Variants in ADK observed in about 807,000 individuals in gnomAD.
ADK encodes the protein N6,N6-dimethyladenosine kinase.
Under a neutral mutation model 44.7 loss-of-function variants are expected in ADK, and 24 were observed. The ratio of observed to expected loss-of-function variants is 0.54; its 90% confidence interval spans 0.39 to 0.76. The LOEUF (loss-of-function observed/expected upper bound fraction) is 0.76, where lower values mean the gene tolerates loss of function less well. Ranked by LOEUF, ADK falls within the 30% of genes least tolerant of loss-of-function variation. ADK has a pLI of 0.00. For missense variants in ADK, 321 were observed against 425.1 expected, an observed-to-expected ratio of 0.76 and a Z score of 2.15; for synonymous variants, 128 against 142.6, an observed-to-expected ratio of 0.90 and a Z score of 0.73.
At chr10:74,208,721 T>A (rs1018848011) in intron 2 of ADK, among the ~76,000 whole-genome samples, 4 of 151,158 alleles carry the variant, frequency 2.6e-5, no homozygotes, top group Non-Finnish European at 4.4e-5. Flanking sequence ...ATATATATAT[T>A]TTTTATTTTT....
At chr10:74,450,751 C>A (rs960588556) in intron 6 of ADK, among the ~76,000 whole-genome samples, 1 of 152,118 alleles carries the variant, frequency 6.6e-6, no homozygotes, top group Admixed American at 6.6e-5. Context: ...TAGAGCAAGG[C>A]ATATTAATAG....
chr10:74,686,712 C>T (rs1855802081), intron 10 of ADK, among the ~76,000 whole-genome samples: 1 of 152,052 alleles, frequency 6.6e-6, no homozygotes, highest in South Asian at 2.1e-4. Context: ...GAGTCTTGCT[C>T]TGTCACCAGG....
At chr10:74,345,646 A>AT in intron 4 of ADK, among the ~76,000 whole-genome samples, 1 of 152,292 alleles carries the variant, frequency 6.6e-6, no homozygotes, top group Middle Eastern at 3.4e-3. Flanking sequence ...TCAATCTGTT[A>AT]GTAACTTTCT....
chr10:74,288,436 G>T (rs560015363), intron 3 of ADK, among the ~76,000 whole-genome samples: 2 of 152,262 alleles, frequency 1.3e-5, no homozygotes, highest in East Asian at 3.9e-4. Context: ...GATCAGCTGA[G>T]ATCAGGAGTT....
In ADK at chr10:74,354,185, G is replaced by A. The variant is rs138633893; in HGVS notation, c.273+39440G>A. ...AAGAATAGGAGAAGGTGAACTCATTGTCTTGAGCATGTGGAATTAGTTCTT... is the reference window on the plus strand; with the variant it reads ...AAGAATAGGAGAAGGTGAACTCATTATCTTGAGCATGTGGAATTAGTTCTT... On this transcript the variant is annotated intron_variant, in intron 4 of 10. Coordinates refer to ENST00000539909, the MANE Select transcript of ADK (RefSeq NM_006721.4). Among the ~76,000 whole-genome samples, 822 of 152,302 alleles carry A rather than the reference G, an allele frequency of 5.4e-3. 8 individuals carry two copies. The highest frequency in any genetic ancestry group is 0.018 in the African/African-American group (762 of 41,554).
intron 4 of ADK, among the ~76,000 whole-genome samples, chr10:74,392,663 T>C (rs1361584574): frequency 6.6e-6 from 1 of 152,180 alleles, no homozygotes; most frequent in Non-Finnish European, 1.5e-5. Flanking sequence ...TATCTATTTT[T>C]GCTTTTGTTG....
chr10:74,566,966 A>C (rs1436136641), intron 7 of ADK, among the ~76,000 whole-genome samples: 1 of 152,070 alleles, frequency 6.6e-6, no homozygotes. Flanking sequence ...CCTCCTAAAA[A>C]CTCATTTTTA....
chr10:74,651,684 T>A (rs990852883), intron 9 of ADK, among the ~76,000 whole-genome samples: 2 of 152,196 alleles, frequency 1.3e-5, no homozygotes, highest in Non-Finnish European at 2.9e-5. Context: ...AATTGTGTCA[T>A]GGTTTAAATA....
intron 7 of ADK, among the ~76,000 whole-genome samples, chr10:74,561,269 C>T (rs1048138741): frequency 6.6e-6 from 1 of 152,164 alleles, no homozygotes; most frequent in Non-Finnish European, 1.5e-5. Flanking sequence ...CTTGTTAAAG[C>T]TTTCACCGTT....
intron 9 of ADK, among the ~76,000 whole-genome samples, chr10:74,608,809 G>A (rs375231736): frequency 1.1e-4 from 16 of 152,216 alleles, no homozygotes; most frequent in Admixed American, 4.6e-4. Flanking sequence ...TTTAAGTGCC[G>A]AAGCTGTGCC....
intron 10 of ADK, among the ~76,000 whole-genome samples, chr10:74,687,978 C>G (rs1316808857): frequency 6.6e-6 from 1 of 152,178 alleles, no homozygotes; most frequent in Non-Finnish European, 1.5e-5. Flanking sequence ...CTTTCCGTTG[C>G]TTCTCACTGC....
At chr10:74,226,310 T>C (rs1339133447) in intron 3 of ADK, among the ~76,000 whole-genome samples, 1 of 152,192 alleles carries the variant, frequency 6.6e-6, no homozygotes, top group Non-Finnish European at 1.5e-5. Context: ...TTTCGCCATG[T>C]TGGCCAGGCT....
chr10:74,677,965 C>CAA (rs3037448), intron 10 of ADK, among the ~76,000 whole-genome samples: 9,182 of 43,050 alleles, frequency 0.21, 3,528 homozygotes, highest in East Asian at 0.68. Flanking sequence ...CCAGTCTCTA[C>CAA]AAAAAAAAAA....
chr10:74,353,959 T>C lies in ADK; in HGVS notation c.273+39214T>C, dbSNP rs576077144. Among the ~76,000 whole-genome samples the C allele has an allele frequency of 5.2e-4, 79 of 152,336 alleles. 1 individual carries two copies. The South Asian group carries it at 8.7e-3, about 17-fold the overall frequency. ...TTCTGAATTACAGAAAGTCATAGAT[T>C]AGAAGTGTAGCTTTAAAATGCTCTA... On this transcript the variant is annotated intron_variant, in intron 4 of 10. Coordinates refer to ENST00000539909, the MANE Select transcript of ADK (RefSeq NM_006721.4).
chr10:74,408,920 C>A (rs985246628), intron 6 of ADK, among the ~76,000 whole-genome samples: 1 of 152,028 alleles, frequency 6.6e-6, no homozygotes, highest in African/African-American at 2.4e-5. Flanking sequence ...TATAGGTTGA[C>A]CTGCACAGTT....
At chr10:74,393,721 T>C (rs574035697) in intron 4 of ADK, among the ~76,000 whole-genome samples, 3 of 152,224 alleles carry the variant, frequency 2.0e-5, no homozygotes, top group Non-Finnish European at 4.4e-5. Context: ...TTAAGAGATA[T>C]GCTCTAACAT....
At chr10:74,380,409 A>T (rs554292761) in intron 4 of ADK, among the ~76,000 whole-genome samples, 1 of 152,250 alleles carries the variant, frequency 6.6e-6, no homozygotes, top group South Asian at 2.1e-4. Flanking sequence ...CGCTTCCCTT[A>T]ATCAGTCATT....
At chr10:74,409,701 CTAA>C (rs1382398875) in intron 6 of ADK, among the ~76,000 whole-genome samples, 1 of 152,028 alleles carries the variant, frequency 6.6e-6, no homozygotes, top group Non-Finnish European at 1.5e-5. Context: ...TCAAATGTCA[CTAA>C]TGTTTGCTTC....
At chr10:74,214,196 C>T (rs1169544088) in intron 2 of ADK, among the ~76,000 whole-genome samples, 1 of 152,070 alleles carries the variant, frequency 6.6e-6, no homozygotes, top group Non-Finnish European at 1.5e-5. Context: ...TCTTTATAAG[C>T]TTCTTAAATT....
Sources: gnomAD v4.1 joint callset for allele counts (sites outside exome capture counted in the v4.1 genomes callset) on GRCh38, gnomAD v4.1.1 for gene constraint, MANE v1.5 for transcripts, NCBI Gene and HGNC (gene_info 2026-07-23, HGNC 2026-07-21) for gene names.